FREM1: variants seen among roughly 807,000 people sequenced by gnomAD.
FREM1 encodes the protein FRAS1 related extracellular matrix 1.
Under a neutral mutation model 210.1 loss-of-function variants are expected in FREM1, and 220 were observed. The observed-to-expected ratio is 1.05, with a 90% CI of 0.94 to 1.17. The LOEUF is 1.17. Ranked by LOEUF, FREM1 falls within the 50% of genes most tolerant of loss-of-function variation. The probability of loss-of-function intolerance (pLI) is 0.00; values close to 1 mark genes in which losing one functional copy is unlikely to be tolerated. For synonymous variants in FREM1, 1,189 were observed against 980.2 expected (o/e 1.21, Z -3.98); for missense variants, 3,454 against 2,675.5 (o/e 1.29, Z -6.42).
intron 20 of FREM1, among the ~76,000 whole-genome samples, chr9:14,798,386 G>C (rs1417078757): frequency 1.3e-5 from 2 of 152,132 alleles, no homozygotes; most frequent in African/African-American, 2.4e-5. Context: ...TCAAGTGGGA[G>C]GATCGCTTGA....
At chr9:14,880,603 A>C (rs1365589377) in intron 1 of FREM1, among the ~76,000 whole-genome samples, 1 of 76,922 alleles carries the variant, frequency 1.3e-5, no homozygotes, top group Non-Finnish European at 2.3e-5. Flanking sequence ...GACTGTCTCA[A>C]AAAAAAAAAA....
At chr9:14,848,848 C>T (rs1171739862) in intron 6 of FREM1, 75 bp from the exon 7 acceptor site, 2 of 827,036 alleles carry the variant, frequency 2.4e-6, no homozygotes, top group Non-Finnish European at 4.0e-6. Flanking sequence ...CTGGGTTATA[C>T]CCACACACAG....
chr9:14,892,121 G>A (rs564033994), intron 1 of FREM1, among the ~76,000 whole-genome samples: 58 of 152,152 alleles, frequency 3.8e-4, no homozygotes, highest in Non-Finnish European at 7.4e-4. Context: ...CTCTCTTGGG[G>A]TCTGGATTGG....
chr9:14,825,126 A>T, intron 10 of FREM1, 134 bp from the exon 11 acceptor site: 1 of 601,838 alleles, frequency 1.7e-6, no homozygotes, highest in South Asian at 2.7e-5. Flanking sequence ...CAAATGATTC[A>T]GGAGCTATTA....
rs138249935 is a variant in FREM1 at position 14,766,045 on chromosome 9, CA to C, written c.5204+3678del. 9.9e-4 allele frequency among the ~76,000 whole-genome samples: 151 copies of C among 152,146 alleles called. 1 individual carries two copies. The highest frequency in any genetic ancestry group is 3.3e-3 in the African/African-American group (136 of 41,526). On this transcript the variant is annotated intron_variant, in intron 27 of 36. Transcript: ENST00000380880. ...GACTAGAAAACAGGCACAAGCTTGTCAAGGGGTGCAGCCAGGGGGTGAGGCA... is the reference window on the plus strand; with the variant it reads ...GACTAGAAAACAGGCACAAGCTTGTCAGGGGTGCAGCCAGGGGGTGAGGCA...
At chr9:14,893,146 G>A (rs573841141) in intron 1 of FREM1, among the ~76,000 whole-genome samples, 23 of 149,584 alleles carry the variant, frequency 1.5e-4, no homozygotes, top group Admixed American at 1.1e-3. Flanking sequence ...TCAGCAAAAG[G>A]GTAAGAATTT....
At chr9:14,868,285 C>T (rs1002859189) in intron 2 of FREM1, among the ~76,000 whole-genome samples, 2 of 152,126 alleles carry the variant, frequency 1.3e-5, no homozygotes, top group Admixed American at 6.5e-5. Flanking sequence ...ATGTAATTCT[C>T]TTACATGATG....
chr9:14,770,071 G>T (rs912370950), intron 26 of FREM1, among the ~76,000 whole-genome samples: 2 of 152,026 alleles, frequency 1.3e-5, no homozygotes, highest in Non-Finnish European at 2.9e-5. Context: ...GACTGCTTCA[G>T]AAATATTTGC....
At chr9:14,838,781 G>C (rs1825095868) in intron 10 of FREM1, among the ~76,000 whole-genome samples, 1 of 152,180 alleles carries the variant, frequency 6.6e-6, no homozygotes, top group Non-Finnish European at 1.5e-5. Flanking sequence ...GGAGATCAGA[G>C]CTGATCCAAT....
intron 1 of FREM1, among the ~76,000 whole-genome samples, chr9:14,889,747 C>T (rs985067692): frequency 1.3e-5 from 2 of 152,154 alleles, no homozygotes; most frequent in Non-Finnish European, 2.9e-5. Flanking sequence ...CTTCTATGCT[C>T]TTAGGTTGTC....
chr9:14,873,631 T>C (rs1320691780), intron 1 of FREM1, among the ~76,000 whole-genome samples: 2 of 152,222 alleles, frequency 1.3e-5, no homozygotes, highest in African/African-American at 2.4e-5. Flanking sequence ...CCTGGATTCA[T>C]TAATTTTTTG....
Position 14,784,222 on chromosome 9 carries a change from T to C in FREM1, c.4442+148A>G. The C allele has an allele frequency of 4.6e-6, 3 of 656,452 alleles. No individual in the cohort carries two copies. The East Asian group carries it at 9.2e-5, about 20-fold the overall frequency. The allele number at this position is 656,452 out of a possible 1,614,324, so 40.7% of individuals were successfully genotyped here. A position where few individuals can be genotyped will look rare whatever the true frequency, so the allele number is the denominator to read the frequency against. On this transcript the variant is annotated intron_variant, in intron 24 of 36. Transcript: ENST00000380880. ...CTTTCCTTTTTTTAAAAAACAAATT[T>C]CATTCTATAAATTTAAGGTATACAG...
chr9:14,792,272 G>GCACGCACACA (rs1554665386), intron 22 of FREM1, among the ~76,000 whole-genome samples: 2 of 142,244 alleles, frequency 1.4e-5, no homozygotes, highest in African/African-American at 5.4e-5. Context: ...ACACACACAC[G>GCACGCACACA]CACACACACA....
intron 1 of FREM1, among the ~76,000 whole-genome samples, chr9:14,905,298 A>G (rs1817498071): frequency 6.6e-6 from 1 of 152,160 alleles, no homozygotes; most frequent in Admixed American, 6.5e-5. Context: ...ACTCCTCCAC[A>G]TGTTTGAATG....
chr9:14,756,273 A>G lies in FREM1; in HGVS notation c.5407+101T>C, dbSNP rs10961692. 1,664 of 857,612 alleles carry G rather than the reference A, an allele frequency of 1.9e-3. 2 individuals carry two copies. The highest frequency in any genetic ancestry group is 2.7e-3 in the Non-Finnish European group (1,459 of 546,572). 53.1% of individuals were successfully genotyped at this position (857,612 alleles called of 1,614,324 possible). On this transcript the variant is annotated intron_variant, in intron 29 of 36. Transcript: ENST00000380880. ...CTCCCTGAGGAGTTTCTAGTTGGCT[A>G]AAGTTGTGTAACATTCTATCTTCTC... is the stretch of plus-strand genomic sequence containing the variant.
chr9:14,800,771 A>G (rs1817120727), intron 20 of FREM1, among the ~76,000 whole-genome samples: 1 of 152,216 alleles, frequency 6.6e-6, no homozygotes, highest in Non-Finnish European at 1.5e-5. Flanking sequence ...TTCCTGTCCT[A>G]CATTAATCCA....
intron 28 of FREM1, among the ~76,000 whole-genome samples, chr9:14,757,089 C>T (rs1439119719): frequency 6.6e-6 from 1 of 152,134 alleles, no homozygotes; most frequent in South Asian, 2.1e-4. Flanking sequence ...TCAAGGACCC[C>T]GTCAGGTAGG....
chr9:14,899,247 A>T (rs1261702105), intron 1 of FREM1, among the ~76,000 whole-genome samples: 3 of 152,226 alleles, frequency 2.0e-5, no homozygotes, highest in African/African-American at 7.2e-5. Flanking sequence ...GTGAGACACC[A>T]CATGTGGCTG....
chr9:14,784,764 C>G (rs1167887482), intron 23 of FREM1, 130 bp from the exon 24 acceptor site: 1 of 536,200 alleles, frequency 1.9e-6, no homozygotes, highest in Non-Finnish European at 3.0e-6. Flanking sequence ...GTTTATATAA[C>G]TATTATGAAT....
Sources: gnomAD v4.1 joint callset for allele counts (sites outside exome capture counted in the v4.1 genomes callset) on GRCh38, gnomAD v4.1.1 for gene constraint, MANE v1.5 for transcripts, NCBI Gene and HGNC (gene_info 2026-07-23, HGNC 2026-07-21) for gene names.